BLTP1: variants seen among roughly 807,000 people sequenced by gnomAD.
BLTP1 encodes fragile site-associated protein.
At chr4:122,186,073 T>A in the BLTP1 span, 1 of 1,604,614 alleles carries the variant, frequency 6.2e-7, no homozygotes, top group Non-Finnish European at 8.5e-7. Context: ...TCACAGTCAA[T>A]GACTTTGAAT....
chr4:122,205,896 C>A, the BLTP1 span: 2 of 972,758 alleles, frequency 2.1e-6, no homozygotes, highest in Non-Finnish European at 2.4e-6. Flanking sequence ...AGGAGGAGCC[C>A]TTTTATTGAA....
At chr4:122,291,389 A>G in the BLTP1 span, among the ~76,000 whole-genome samples, 1 of 152,178 alleles carries the variant, frequency 6.6e-6, no homozygotes, top group Non-Finnish European at 1.5e-5. Context: ...TTGTAGCTCA[A>G]ATTTCTCAGT....
chr4:122,349,273 G>A, the BLTP1 span: 1 of 1,613,538 alleles, frequency 6.2e-7, no homozygotes, highest in Non-Finnish European at 8.5e-7. The surrounding 1 kb of genome is among the most constrained non-coding windows in gnomAD (Gnocchi z 4.5). Flanking sequence ...TAAAGGAGGA[G>A]TAGTTGGAGG....
At chr4:122,201,881 A>T in the BLTP1 span, 1 of 984,874 alleles carries the variant, frequency 1.0e-6, no homozygotes, top group African/African-American at 1.7e-5. Context: ...CGTCTCATCG[A>T]TGCTGAGTAC....
chr4:122,340,695 T>A, the BLTP1 span: 1 of 983,324 alleles, frequency 1.0e-6, no homozygotes, highest in Non-Finnish European at 1.2e-6. Context: ...TTTGCTAATG[T>A]GGTCACCCAT....
chr4:122,266,759 A>G, the BLTP1 span: 1 of 1,557,526 alleles, frequency 6.4e-7, no homozygotes, highest in Non-Finnish European at 8.7e-7. Flanking sequence ...AAGTTGAGCT[A>G]ATATGAATGT....
chr4:122,350,013 A>G, the BLTP1 span: 15 of 1,613,978 alleles, frequency 9.3e-6, no homozygotes, highest in African/African-American at 1.9e-4. Context: ...CCTGGGGACC[A>G]GTTCCTTACC....
At chr4:122,245,325 T>C in the BLTP1 span, among the ~76,000 whole-genome samples, 1 of 152,286 alleles carries the variant, frequency 6.6e-6, no homozygotes, top group Non-Finnish European at 1.5e-5. Context: ...GGAATAGTAG[T>C]AAAAATATTT....
At chr4:122,298,768 A>C in the BLTP1 span, 1 of 664,754 alleles carries the variant, frequency 1.5e-6, no homozygotes, top group Non-Finnish European at 1.9e-6. Context: ...ATTCGAACTG[A>C]TACTTGAGTA....
At chr4:122,337,102 G>C in the BLTP1 span, 9 of 1,290,180 alleles carry the variant, frequency 7.0e-6, no homozygotes, top group Admixed American at 1.5e-4. Context: ...CATTATTACT[G>C]TTTAAAAGTT....
chr4:122,356,487 C>A, the BLTP1 span: 2 of 894,818 alleles, frequency 2.2e-6, no homozygotes, highest in Non-Finnish European at 3.4e-6. Context: ...TATCATCATC[C>A]TGTAAATCAC....
chr4:122,229,266 G>C, the BLTP1 span: 1 of 1,552,578 alleles, frequency 6.4e-7, no homozygotes, highest in East Asian at 2.4e-5. Flanking sequence ...GGCTGGTGTA[G>C]TGCTTTTTCG....
At chr4:122,230,631 G>T in the BLTP1 span, among the ~76,000 whole-genome samples, 2 of 152,060 alleles carry the variant, frequency 1.3e-5, no homozygotes, top group African/African-American at 4.8e-5. Flanking sequence ...CTTCAGAACT[G>T]CAAGGAAGAC....
At chr4:122,276,014 A>G in the BLTP1 span, 1 of 1,585,952 alleles carries the variant, frequency 6.3e-7, no homozygotes. Flanking sequence ...CAGCCAAACA[A>G]GAGTTTCTGT....
the BLTP1 span, chr4:122,314,243 G>A: frequency 9.1e-6 from 4 of 441,796 alleles, no homozygotes; most frequent in Non-Finnish European, 6.0e-6. Context: ...ATGTTAAAGC[G>A]CAGTATTCAG....
At chr4:122,281,563 AACCCCACT>A in the BLTP1 span, 2 of 1,602,436 alleles carry the variant, frequency 1.2e-6, no homozygotes, top group Non-Finnish European at 1.7e-6. Flanking sequence ...AAGATATTGC[AACCCCACT>A]ACCTTCTGAA....
the BLTP1 span, chr4:122,169,904 A>G: frequency 2.0e-6 from 2 of 985,014 alleles, no homozygotes; most frequent in Non-Finnish European, 2.4e-6. Flanking sequence ...GGTAAGAGGG[A>G]TTTATCTAGC....
chr4:122,180,377 T>A, the BLTP1 span, among the ~76,000 whole-genome samples: 1 of 152,228 alleles, frequency 6.6e-6, no homozygotes, highest in Non-Finnish European at 1.5e-5. Context: ...AGTTATTCTT[T>A]TAAGATAATC....
chr4:122,271,364 C>T, the BLTP1 span: 12 of 1,613,820 alleles, frequency 7.4e-6, no homozygotes, highest in East Asian at 8.9e-5. Context: ...CAGAAAACAT[C>T]GGGACTTTCG....
Sources: gnomAD v4.1 joint callset for allele counts (sites outside exome capture counted in the v4.1 genomes callset) on GRCh38, gnomAD v4.1.1 for gene constraint, Gnocchi (gnomAD v3.1) non-coding constraint, MANE v1.5 for transcripts, NCBI Gene and HGNC (gene_info 2026-07-23, HGNC 2026-07-21) for gene names.